Variants in TNFRSF9 observed in about 807,000 individuals in gnomAD.
The protein encoded by TNFRSF9 is tumor necrosis factor receptor superfamily member 9.
In TNFRSF9, 16 loss-of-function variants were observed where a neutral mutation model predicts 28.8. That is an observed-to-expected ratio of 0.55 (90% CI 0.38 to 0.84). The LOEUF (loss-of-function observed/expected upper bound fraction) is 0.84. Ranked by LOEUF, TNFRSF9 falls within the 40% of genes least tolerant of loss-of-function variation. The pLI is 0.00. For missense variants in TNFRSF9, 303 were observed against 315.0 expected (o/e 0.96, Z 0.29); for synonymous variants, 131 against 117.0 (o/e 1.12, Z -0.77).
At chr1:7,930,765 T>C (rs1467551703) in intron 7 of TNFRSF9, among the ~76,000 whole-genome samples, 3 of 152,000 alleles carry the variant, frequency 2.0e-5, no homozygotes, top group African/African-American at 7.3e-5. Context: ...TGAAACTCTG[T>C]CTCAAAAAAA....
At chr1:7,937,800 A>T (rs1300620420) in intron 4 of TNFRSF9, 44 bp from the exon 5 acceptor site, 1 of 1,542,788 alleles carries the variant, frequency 6.5e-7, no homozygotes, top group Non-Finnish European at 9.0e-7. Context: ...AAGCATTTTC[A>T]TCATTTTGTA....
Position 7,918,873 on chromosome 1 carries a change from T to C in TNFRSF9, c.*1962A>G, listed in dbSNP as rs545439185. 2.0e-4 allele frequency: 30 copies of C among 152,268 alleles called. No individual in the cohort carries two copies. The highest frequency in any genetic ancestry group is 7.2e-4 in the African/African-American group (30 of 41,564). The allele number at this position is 152,268 out of a possible 1,614,324, so 9.4% of individuals were successfully genotyped here. A position where few individuals can be genotyped will look rare whatever the true frequency, so the allele number is the denominator to read the frequency against. On this transcript the variant is annotated 3_prime_UTR_variant, in exon 8 of 8. Transcript: ENST00000377507. ...TACCAGAGGGTAGCAAGGATGTGGATCAATGGGATACTTACATGACACTTA... is the reference window on the plus strand; with the variant it reads ...TACCAGAGGGTAGCAAGGATGTGGACCAATGGGATACTTACATGACACTTA...
chr1:7,927,449 T>G (rs1639670848), intron 7 of TNFRSF9, among the ~76,000 whole-genome samples: 1 of 152,180 alleles, frequency 6.6e-6, no homozygotes, highest in South Asian at 2.1e-4. Context: ...CCTGACCCCT[T>G]CTTCCAAATA....
At chr1:7,923,093 G>T (rs1455637360) in intron 7 of TNFRSF9, among the ~76,000 whole-genome samples, 1 of 151,782 alleles carries the variant, frequency 6.6e-6, no homozygotes, top group Non-Finnish European at 1.5e-5. Flanking sequence ...AGTAGAGATG[G>T]GGTTTCACCA....
At position 7,929,522 on chromosome 1, in the gene TNFRSF9, C is replaced by T. The variant is rs561260027; in HGVS notation, c.679+3640G>A. On this transcript the variant is annotated intron_variant, in intron 7 of 7. Coordinates refer to ENST00000377507, the MANE Select transcript of TNFRSF9 (RefSeq NM_001561.6). The stretch of plus-strand genomic sequence containing the variant: ...CCTTTACATCCCTGAATACACCCAC[C>T]GTATTCCCACTGCAATGCTACTCCT... Among the ~76,000 whole-genome samples, 5 of 152,202 alleles carry T rather than the reference C, an allele frequency of 3.3e-5. No individual in the cohort carries two copies. In the South Asian group the frequency reaches 8.3e-4, roughly 25 times the overall value.
intron 6 of TNFRSF9, 116 bp from the exon 7 acceptor site, chr1:7,933,412 T>G (rs556916329): frequency 8.0e-6 from 10 of 1,251,706 alleles, no homozygotes; most frequent in Non-Finnish European, 9.9e-6. Context: ...GCCTTGGGCA[T>G]CTCCAACCTG....
chr1:7,924,331 ATAT>A (rs1639606950), intron 7 of TNFRSF9, among the ~76,000 whole-genome samples: 1 of 124,058 alleles, frequency 8.1e-6, no homozygotes. Context: ...ATATATATAT[ATAT>A]AACCAGTTAA....
intron 2 of TNFRSF9, among the ~76,000 whole-genome samples, chr1:7,939,195 C>G (rs1411805821): frequency 6.6e-6 from 1 of 151,868 alleles, no homozygotes; most frequent in Non-Finnish European, 1.5e-5. Flanking sequence ...TGGTGCACAC[C>G]TGTAATCCCA....
rs1331765540 is a variant in TNFRSF9, at chr1:7,920,287, G to A, written c.*548C>T. ...AAAAAAACTAGCTCAAACCTGTTAAGTGGTATCTAGAAAATGCTTTTTTTT... is the reference window on the plus strand; with the variant it reads ...AAAAAAACTAGCTCAAACCTGTTAAATGGTATCTAGAAAATGCTTTTTTTT... On this transcript the variant is annotated 3_prime_UTR_variant, in exon 8 of 8. Transcript: ENST00000377507. The A allele has an allele frequency of 6.9e-6, 1 of 145,596 alleles. No individual in the cohort carries two copies. Among genetic ancestry groups the A allele is most frequent in the Admixed American group, 6.8e-5 (1 of 14,600 alleles). The allele number at this position is 145,596 out of a possible 1,614,324, so 9.0% of individuals were successfully genotyped here.
rs928575586 is a variant in TNFRSF9 at position 7,917,397 on chromosome 1, A to G, written c.*3438T>C. ...AGCCCAGAAGCAGACCCATGGCCCTATGGAAACTTGATGGATGGTAGGTGA... is the reference window on the plus strand; with the variant it reads ...AGCCCAGAAGCAGACCCATGGCCCTGTGGAAACTTGATGGATGGTAGGTGA... On this transcript the variant is annotated 3_prime_UTR_variant, in exon 8 of 8. Coordinates refer to ENST00000377507, the MANE Select transcript of TNFRSF9 (RefSeq NM_001561.6). 3.9e-5 allele frequency: 6 copies of G among 152,456 alleles called. No homozygotes were observed. The highest frequency in any genetic ancestry group is 9.6e-5 in the African/African-American group (4 of 41,462). The allele number at this position is 152,456 out of a possible 1,614,324, so 9.4% of individuals were successfully genotyped here. A position where few individuals can be genotyped will look rare whatever the true frequency, so the allele number is the denominator to read the frequency against.
intron 5 of TNFRSF9, among the ~76,000 whole-genome samples, chr1:7,937,464 C>T (rs1639835147): frequency 6.6e-6 from 1 of 152,164 alleles, no homozygotes. Flanking sequence ...TGCCCAGCCT[C>T]CACTGGCAAT....
At chr1:7,922,165 G>A (rs1422773097) in intron 7 of TNFRSF9, 1 of 152,170 alleles carries the variant, frequency 6.6e-6, no homozygotes, top group African/African-American at 2.4e-5. Context: ...GTCCTACCCC[G>A]ATTTCATATG....
intron 7 of TNFRSF9, among the ~76,000 whole-genome samples, chr1:7,921,145 G>T (rs920135721): frequency 1.3e-5 from 2 of 151,652 alleles, no homozygotes; most frequent in Admixed American, 1.3e-4. Flanking sequence ...AGACCAGCGT[G>T]GCCAACATAG....
At chr1:7,939,864 G>T (rs768103635) in intron 2 of TNFRSF9, 31 bp downstream of exon 2, 13 of 1,533,890 alleles carry the variant, frequency 8.5e-6, no homozygotes, top group Non-Finnish European at 1.2e-5. Context: ...CAACAGAGCA[G>T]ATCAAATGCA....
rs1010715492 is a variant in TNFRSF9, at chr1:7,925,500, C to T, written c.680-4577G>A. Among the ~76,000 whole-genome samples the T allele has an allele frequency of 4.6e-5, 7 of 152,146 alleles. No individual in the cohort carries two copies. The East Asian group carries it at 1.4e-3, about 29-fold the overall frequency. On this transcript the variant is annotated intron_variant, in intron 7 of 7. Transcript: ENST00000377507. ...AGTTTTGTGGAAGACAATTTTTCCA[C>T]GGACTGGGTGGGTGGGGGGATGGTT... is the stretch of plus-strand genomic sequence containing the variant.
chr1:7,935,675 A>T (rs542648712), intron 5 of TNFRSF9, among the ~76,000 whole-genome samples: 74 of 152,296 alleles, frequency 4.9e-4, no homozygotes, highest in Admixed American at 1.0e-3. Flanking sequence ...AAATTAAAAG[A>T]CAAACAAAAA....
In TNFRSF9 at chr1:7,937,834, A is replaced by G. The variant is rs546940781; in HGVS notation, c.347-78T>C. On this transcript the variant is annotated intron_variant, in intron 4 of 7. Coordinates refer to ENST00000377507, the MANE Select transcript of TNFRSF9 (RefSeq NM_001561.6). ...TAACTTTTCCTGTGATGAACTTAAT[A>G]TAAGTCATTACCATAATGCAATCTG... 6.3e-6 allele frequency: 8 copies of G among 1,262,470 alleles called. No homozygotes were observed. In the African/African-American group the frequency reaches 8.9e-5, roughly 14 times the overall value. 78.2% of individuals were successfully genotyped at this position (1,262,470 alleles called of 1,614,324 possible).
chr1:7,924,327 ATATATAT>A (rs1639606770), intron 7 of TNFRSF9, among the ~76,000 whole-genome samples: 7 of 114,900 alleles, frequency 6.1e-5, no homozygotes, highest in South Asian at 2.7e-4. Context: ...ATATATATAT[ATATATAT>A]AACCAGTTAA....
intron 7 of TNFRSF9, among the ~76,000 whole-genome samples, chr1:7,925,660 A>T (rs964562872): frequency 6.6e-6 from 1 of 152,270 alleles, no homozygotes; most frequent in Admixed American, 6.5e-5. Flanking sequence ...TTTTCCTACA[A>T]CTAGACAGTC....
Sources: gnomAD v4.1 joint callset for allele counts (sites outside exome capture counted in the v4.1 genomes callset) on GRCh38, gnomAD v4.1.1 for gene constraint, MANE v1.5 for transcripts, NCBI Gene and HGNC (gene_info 2026-07-23, HGNC 2026-07-21) for gene names.